The following ZDHHC16 variants were observed in gnomAD, a reference collection of about 807,000 sequenced individuals.
ZDHHC16 encodes the protein zDHHC palmitoyltransferase 16.
A neutral mutation model predicts 54.4 loss-of-function variants in ZDHHC16; 33 were observed. That is an observed-to-expected ratio of 0.61 (90% CI 0.46 to 0.81). ZDHHC16 has a LOEUF of 0.81. ZDHHC16 is among the 30% of genes least tolerant of loss of function. The probability of loss-of-function intolerance (pLI) is 0.00; values close to 1 mark genes in which losing one functional copy is unlikely to be tolerated. For synonymous variants in ZDHHC16, 185 were observed against 182.1 expected (o/e 1.02, Z -0.13); for missense variants, 420 against 485.9 (o/e 0.86, Z 1.28).
intron 2 of ZDHHC16, 135 bp downstream of exon 2, chr10:97,450,671 T>C (rs907497124): frequency 2.0e-5 from 3 of 152,298 alleles, no homozygotes; most frequent in African/African-American, 7.2e-5. Flanking sequence ...GGCTGTTGCA[T>C]GAGGTAGAAA....
intron 8 of ZDHHC16, among the ~76,000 whole-genome samples, chr10:97,454,309 T>C (rs1359012789): frequency 6.6e-6 from 1 of 152,084 alleles, no homozygotes; most frequent in African/African-American, 2.4e-5. Flanking sequence ...TCACAGTCCC[T>C]AGTGGAGCTC....
In ZDHHC16 at chr10:97,451,782, T is replaced by C; in HGVS notation, c.107T>C (p.Val36Ala). ...TGTCCACCTCTACTCCGGGGTCTAGTACAGCGCTGGCGCTACGGCAAGGTC... is the reference window on the plus strand; with the variant it reads ...TGTCCACCTCTACTCCGGGGTCTAGCACAGCGCTGGCGCTACGGCAAGGTC... Reference protein sequence around the residue: ...RRCPPLLRGLVQRWRYGKVCL... With the variant: ...RRCPPLLRGLAQRWRYGKVCL... The change falls in exon 3 of 12, where the codon GTA (valine) becomes GCA (alanine). Residue 36 changes from valine to alanine, a missense_variant. Transcript: ENST00000393760. The C allele has an allele frequency of 6.2e-7, 1 of 1,614,208 alleles. No individual in the cohort carries two copies. Among genetic ancestry groups the C allele is most frequent in the Non-Finnish European group, 8.5e-7 (1 of 1,180,040 alleles).
At chr10:97,452,841 T>C in intron 5 of ZDHHC16, 54 bp from the exon 6 acceptor site, 1 of 1,613,008 alleles carries the variant, frequency 6.2e-7, no homozygotes, top group South Asian at 1.1e-5. Context: ...GGATTGGCAC[T>C]GACATCTCAA....
rs1172523883 is a variant in ZDHHC16, at chr10:97,450,554, T to C, written c.-6+18T>C. 1 of 152,184 alleles carries C rather than the reference T, an allele frequency of 6.6e-6. No homozygotes were observed. The highest frequency in any genetic ancestry group is 2.4e-5 in the African/African-American group (1 of 41,436). 9.4% of individuals were successfully genotyped at this position (152,184 alleles called of 1,614,324 possible). A position where few individuals can be genotyped will look rare whatever the true frequency, so the allele number is the denominator to read the frequency against. ...AAAATCAGGTAATTTTTTTTTCTGG[T>C]GAAAGTCTTTAATCTGCAGAACTGA... On this transcript the variant is annotated intron_variant, in intron 2 of 11. Coordinates refer to ENST00000393760, the MANE Select transcript of ZDHHC16 (RefSeq NM_198046.3).
At chr10:97,456,147 T>C in intron 11 of ZDHHC16, 103 bp downstream of exon 11, 1 of 1,211,524 alleles carries the variant, frequency 8.3e-7, no homozygotes, top group African/African-American at 1.5e-5. Flanking sequence ...GCTACTGTGT[T>C]AGCACAGTTC....
chr10:97,456,220 T>A, intron 11 of ZDHHC16, 176 bp downstream of exon 11: 1 of 621,654 alleles, frequency 1.6e-6, no homozygotes, highest in Admixed American at 3.3e-5. Context: ...CAATACTGTG[T>A]GGTTTTAAGT....
At position 97,457,360 on chromosome 10, in the gene ZDHHC16, T is replaced by A. The variant is rs2029921330; in HGVS notation, c.*469T>A. On this transcript the variant is annotated 3_prime_UTR_variant, in exon 12 of 12. Transcript: ENST00000393760. ...GGGAGCACAAATAAAGGTATTCGAT[T>A]TTTAAAGATATGTAGCTTCTCACTC... The A allele has an allele frequency of 6.6e-6, 1 of 152,372 alleles. No individual in the cohort carries two copies. The highest frequency in any genetic ancestry group is 1.5e-5 in the Non-Finnish European group (1 of 68,180). The allele number at this position is 152,372 out of a possible 1,614,324, so 9.4% of individuals were successfully genotyped here.
At position 97,448,595 on chromosome 10, in the gene ZDHHC16, A is replaced by T. The variant is rs186625737; in HGVS notation, c.-185-1762A>T. Reference sequence around the variant, plus strand: ...AACATTGCGAAACCCCGTCTCTACTAAAAATACAAACATTTGCTGGGCGAG... The same window carrying T: ...AACATTGCGAAACCCCGTCTCTACTTAAAATACAAACATTTGCTGGGCGAG... On this transcript the variant is annotated intron_variant, in intron 1 of 11. Transcript: ENST00000393760. Among the ~76,000 whole-genome samples the T allele has an allele frequency of 2.3e-3, 348 of 152,286 alleles. 1 individual carries two copies. The highest frequency in any genetic ancestry group is 7.9e-3 in the African/African-American group (328 of 41,564).
chr10:97,448,207 GAC>G (rs1220121416), intron 1 of ZDHHC16: 3 of 152,204 alleles, frequency 2.0e-5, no homozygotes, highest in Non-Finnish European at 2.9e-5. Flanking sequence ...GATAACAGCA[GAC>G]ACTTATTTAG....
intron 1 of ZDHHC16, among the ~76,000 whole-genome samples, chr10:97,449,299 T>C (rs1299597742): frequency 6.6e-6 from 1 of 152,080 alleles, no homozygotes; most frequent in Non-Finnish European, 1.5e-5. Context: ...AGGAGTGCAT[T>C]GGATTTGCAT....
At chr10:97,446,546 G>T (rs1846051300) in intron 1 of ZDHHC16, among the ~76,000 whole-genome samples, 193 bp downstream of exon 1, 1 of 152,196 alleles carries the variant, frequency 6.6e-6, no homozygotes, top group East Asian at 1.9e-4. Flanking sequence ...GAGGTCAAGC[G>T]ACCCAACTCG....
At chr10:97,446,422 GCC>G (rs1209851579) in intron 1 of ZDHHC16, 69 bp downstream of exon 1, 1 of 229,704 alleles carries the variant, frequency 4.4e-6, no homozygotes, top group East Asian at 1.2e-4. Context: ...CTGCCCTGGG[GCC>G]TTGTCTTGAG....
At chr10:97,454,577 C>A in intron 8 of ZDHHC16, 137 bp from the exon 9 acceptor site, 1 of 763,978 alleles carries the variant, frequency 1.3e-6, no homozygotes, top group Non-Finnish European at 2.2e-6. Context: ...CCCATCTTGG[C>A]TGCTACCCTA....
chr10:97,455,681 T>C lies in ZDHHC16; in HGVS notation c.846T>C (p.Gly282=), dbSNP rs754645302. 3 of 1,614,112 alleles carry C rather than the reference T, an allele frequency of 1.9e-6. No individual in the cohort carries two copies. The highest frequency in any genetic ancestry group is 1.7e-5 in the Admixed American group (1 of 60,000). ...TTAGTTCTGTGGCACTTGCCCTGGGTGCCCTAACTGTATGGCATGCTGTTC... is the reference window on the plus strand; with the variant it reads ...TTAGTTCTGTGGCACTTGCCCTGGGCGCCCTAACTGTATGGCATGCTGTTC... ...FLCSSVALAL[G]ALTVWHAVLI... is the part of the protein sequence containing the mutation. The change falls in exon 10 of 12, where the codon GGT becomes GGC. Residue 282 remains glycine (G), a synonymous_variant. Transcript: ENST00000393760.
chr10:97,448,574 T>C (rs761502266), intron 1 of ZDHHC16, among the ~76,000 whole-genome samples: 4 of 152,108 alleles, frequency 2.6e-5, no homozygotes, highest in Non-Finnish European at 4.4e-5. Context: ...CTGGCCAACA[T>C]TGCGAAACCC....
chr10:97,446,766 G>GATC (rs1846084341), intron 1 of ZDHHC16, among the ~76,000 whole-genome samples: 1 of 152,148 alleles, frequency 6.6e-6, no homozygotes, highest in Non-Finnish European at 1.5e-5. Context: ...TCGCCAGGCT[G>GATC]GAGTGCAGTG....
Position 97,451,902 on chromosome 10 carries a change from T to C in ZDHHC16, c.227T>C (p.Ile76Thr). ...EPVYWLVDNVIRWFGVVFVVL... is the reference protein window; with the variant it reads ...EPVYWLVDNVTRWFGVVFVVL... ...GTCTACTGGCTGGTAGACAACGTGA[T>C]CCGCTGGTTTGGAGTGGTGAGTGAT... Residue 76 changes from isoleucine (I) to threonine (T), a missense_variant, in exon 3 of 12, where the codon ATC becomes ACC. Physicochemically the swap from Ile to Thr is moderately conservative, Grantham distance 89 (BLOSUM62 -1). Coordinates refer to ENST00000393760, the MANE Select transcript of ZDHHC16 (RefSeq NM_198046.3). The C allele has an allele frequency of 3.1e-6, 5 of 1,612,234 alleles. No homozygotes were observed. The highest frequency in any genetic ancestry group is 4.2e-6 in the Non-Finnish European group (5 of 1,178,914).
At position 97,454,737 on chromosome 10, in the gene ZDHHC16, C is replaced by T; in HGVS notation, c.762C>T (p.Pro254=). Residue 254 remains proline (P), a synonymous_variant, in exon 9 of 12, where the codon CCC becomes CCT. Coordinates refer to ENST00000393760, the MANE Select transcript of ZDHHC16 (RefSeq NM_198046.3). ...ANQTYHQTPP[P]TFSFRERMTH... ...AGACTTATCACCAGACCCCACCACCCACCTTCTCCTTTCGAGAAAGGATGA... is the reference window on the plus strand; with the variant it reads ...AGACTTATCACCAGACCCCACCACCTACCTTCTCCTTTCGAGAAAGGATGA... 2 of 1,614,192 alleles carry T rather than the reference C, an allele frequency of 1.2e-6. No homozygotes were observed. Among genetic ancestry groups the T allele is most frequent in the Non-Finnish European group, 1.7e-6 (2 of 1,180,030 alleles).
chr10:97,452,532 C>T, intron 5 of ZDHHC16, 29 bp downstream of exon 5: 1 of 1,607,158 alleles, frequency 6.2e-7, no homozygotes, highest in South Asian at 1.1e-5. Flanking sequence ...CTCTGGGAAT[C>T]CCAGCTGTGG....
Sources: allele counts gnomAD v4.1 joint callset (sites outside exome capture counted in the v4.1 genomes callset), GRCh38; gene constraint gnomAD v4.1.1; transcripts MANE v1.5; gene names NCBI Gene and HGNC (gene_info 2026-07-23, HGNC 2026-07-21).